KRT23: variants seen among roughly 807,000 people sequenced by gnomAD.
KRT23 encodes keratin, type I cytoskeletal 23.
KRT23 carries 38 observed loss-of-function variants against 47.6 expected under a neutral mutation model. The observed-to-expected ratio is 0.80, with a 90% CI of 0.62 to 1.05. KRT23 has a LOEUF of 1.05. Among genes scored for constraint, KRT23 ranks in the 50% least tolerant of loss-of-function variants. The pLI is 0.00. For synonymous variants in KRT23, 191 were observed against 199.0 expected (o/e 0.96, Z 0.34); for missense variants, 503 against 529.5 (o/e 0.95, Z 0.49).
intron 4 of KRT23, among the ~76,000 whole-genome samples, chr17:40,928,976 G>A (rs1461797013): frequency 2.2e-5 from 3 of 138,664 alleles, no homozygotes; most frequent in East Asian, 2.1e-4. Context: ...GCAGTGAGCC[G>A]AGATTGCGCC....
chr17:40,935,579 G>C (rs1910004334), intron 2 of KRT23, among the ~76,000 whole-genome samples: 1 of 152,128 alleles, frequency 6.6e-6, no homozygotes, highest in Non-Finnish European at 1.5e-5. Flanking sequence ...ATTGGTTCTA[G>C]CAATATGCCA....
rs780524486 is a variant in KRT23 at position 40,928,537 on chromosome 17, TC to T, written c.706del (p.Asp236IlefsTer2). 4.3e-6 allele frequency: 7 copies of T among 1,614,060 alleles called. No homozygotes were observed. The South Asian group carries it at 7.7e-5, about 18-fold the overall frequency. The part of the protein sequence containing the change: ...NVKVDTGPRE[D>X]LIKVLEDMRQ... ...CATATCCTCCAGGACCTTAATCAGA[TC>T]TTCCCTGGGACCTGTATCCACCTTC... On this transcript the variant is annotated frameshift_variant, in exon 5 of 9. Transcript: ENST00000209718. LOFTEE classifies it high-confidence loss of function.
rs79147545 is a variant in KRT23 at position 40,933,145 on chromosome 17, A to T, written c.397-1690T>A. ...ATCTAGCACTTTTATAGATTCAGTG[A>T]CTACACTGTGAACATCCCCAGGTTC... On this transcript the variant is annotated intron_variant, in intron 2 of 8. Coordinates refer to ENST00000209718, the MANE Select transcript of KRT23 (RefSeq NM_015515.5). Among the ~76,000 whole-genome samples the T allele has an allele frequency of 8.2e-3, 1,253 of 152,334 alleles. 14 individuals carry two copies. The highest frequency in any genetic ancestry group is 0.029 in the African/African-American group (1,196 of 41,578).
chr17:40,932,594 T>A (rs1478676390), intron 2 of KRT23, among the ~76,000 whole-genome samples: 2 of 152,070 alleles, frequency 1.3e-5, no homozygotes, highest in African/African-American at 4.8e-5. Flanking sequence ...AAATAAGGAG[T>A]CTGTACTAGA....
chr17:40,925,622 G>T, intron 6 of KRT23, 48 bp from the exon 7 acceptor site: 3 of 1,372,432 alleles, frequency 2.2e-6, no homozygotes, highest in Non-Finnish European at 2.0e-6. Context: ...GCTTGATTGA[G>T]TCAATAACAG....
At chr17:40,934,725 T>G (rs1909928881) in intron 2 of KRT23, among the ~76,000 whole-genome samples, 1 of 152,354 alleles carries the variant, frequency 6.6e-6, no homozygotes, top group South Asian at 2.1e-4. Flanking sequence ...CTCTGCTTCT[T>G]GCTGATGGCT....
intron 8 of KRT23, among the ~76,000 whole-genome samples, chr17:40,923,380 T>G (rs1357898262): frequency 6.6e-5 from 10 of 152,210 alleles, no homozygotes; most frequent in African/African-American, 2.4e-4. Flanking sequence ...AGGAGTTCTT[T>G]CTCTGCCTGT....
chr17:40,927,669 T>C (rs1909315193), intron 6 of KRT23, among the ~76,000 whole-genome samples: 1 of 152,186 alleles, frequency 6.6e-6, no homozygotes, highest in African/African-American at 2.4e-5. Context: ...AGAAATGACT[T>C]GGACACAAGA....
At chr17:40,927,543 A>G (rs3785770) in intron 6 of KRT23, among the ~76,000 whole-genome samples, 17,177 of 152,262 alleles carry the variant, frequency 0.11, 1,191 homozygotes, top group East Asian at 0.2. Flanking sequence ...CTTGGCAATT[A>G]TATGGATGAA....
chr17:40,931,332 AC>A (rs1567801362), intron 3 of KRT23, 40 bp downstream of exon 3: 1 of 1,484,180 alleles, frequency 6.7e-7, no homozygotes, highest in Admixed American at 1.7e-5. Flanking sequence ...TGTAAAGCAA[AC>A]AAACAAAAAC....
chr17:40,928,190 C>T lies in KRT23; in HGVS notation c.921+48G>A, dbSNP rs754954172. ...CTGGGAGAGAGGTCTCAGAAGGCTT[C>T]GTGAAGGAGGTGGTGTGGGATTCAC... On this transcript the variant is annotated intron_variant, in intron 6 of 8. Coordinates refer to ENST00000209718, the MANE Select transcript of KRT23 (RefSeq NM_015515.5). The T allele has an allele frequency of 3.4e-5, 55 of 1,611,170 alleles. No homozygotes were observed. In the Admixed American group the frequency reaches 4.0e-4, roughly 12 times the overall value.
At chr17:40,934,207 C>T (rs773692401) in intron 2 of KRT23, among the ~76,000 whole-genome samples, 1 of 152,152 alleles carries the variant, frequency 6.6e-6, no homozygotes, top group Non-Finnish European at 1.5e-5. Context: ...ATTGTGGGAC[C>T]TCCTTGCACC....
chr17:40,931,337 CA>C, intron 3 of KRT23, 35 bp downstream of exon 3: 1 of 1,523,262 alleles, frequency 6.6e-7, no homozygotes, highest in Non-Finnish European at 9.1e-7. Flanking sequence ...AGCAAACAAA[CA>C]AAAACCCGAA....
At chr17:40,935,855 C>T (rs1181563595) in intron 2 of KRT23, among the ~76,000 whole-genome samples, 2 of 152,176 alleles carry the variant, frequency 1.3e-5, no homozygotes, top group African/African-American at 4.8e-5. Context: ...TCTATGACAT[C>T]GTTGGGTCAT....
At position 40,936,518 on chromosome 17, in the gene KRT23, G is replaced by T; in HGVS notation, c.86C>A (p.Pro29His). Residue 29 changes from proline (P) to histidine (H), a missense_variant, in exon 2 of 9, where the codon CCC becomes CAC. Physicochemically the swap from Pro to His is moderately conservative, Grantham distance 77 (BLOSUM62 -2). Transcript: ENST00000209718. ...ACCGCCATGGACGGTGGGAGCCCTG[G>T]GGAAGCTCCTGGGCCGGCCCCAGCC... Reference protein sequence around the residue: ...GGGWGRPRSFPRAPTVHGGAG... With the variant: ...GGGWGRPRSFHRAPTVHGGAG... The T allele has an allele frequency of 6.5e-7, 1 of 1,528,552 alleles. No individual in the cohort carries two copies. Among genetic ancestry groups the T allele is most frequent in the Non-Finnish European group, 8.8e-7 (1 of 1,140,544 alleles). 94.7% of individuals were successfully genotyped at this position (1,528,552 alleles called of 1,614,324 possible).
chr17:40,929,454 T>C (rs1909490807), intron 4 of KRT23, among the ~76,000 whole-genome samples: 1 of 152,272 alleles, frequency 6.6e-6, no homozygotes, highest in African/African-American at 2.4e-5. Context: ...ACTGTTTTTC[T>C]ATCATTTTAT....
intron 2 of KRT23, among the ~76,000 whole-genome samples, chr17:40,932,883 C>A (rs1239471981): frequency 6.6e-6 from 1 of 152,182 alleles, no homozygotes; most frequent in African/African-American, 2.4e-5. Flanking sequence ...GGCCTGGGAT[C>A]CTGCTCCGCG....
rs768540862 is a variant in KRT23 at position 40,922,899 on chromosome 17, G to A, written c.*90C>T. 9.3e-6 allele frequency: 8 copies of A among 859,418 alleles called. No homozygotes were observed. The highest frequency in any genetic ancestry group is 8.5e-5 in the Admixed American group (4 of 47,280). The allele number at this position is 859,418 out of a possible 1,614,324, so 53.2% of individuals were successfully genotyped here. A position where few individuals can be genotyped will look rare whatever the true frequency, so the allele number is the denominator to read the frequency against. Reference sequence around the variant, plus strand: ...GTTTCTGAGTCTGATAATTCCAAGGGTATCTTTTAGAACTCACTCACTGGT... The same window carrying A: ...GTTTCTGAGTCTGATAATTCCAAGGATATCTTTTAGAACTCACTCACTGGT... On this transcript the variant is annotated 3_prime_UTR_variant, in exon 9 of 9. Coordinates refer to ENST00000209718, the MANE Select transcript of KRT23 (RefSeq NM_015515.5).
chr17:40,928,285 G>T lies in KRT23; in HGVS notation c.874C>A (p.Arg292Ser), dbSNP rs371648763. Reference protein sequence around the residue: ...SRQGDIHELKRTFQALEIDLQ... With the variant: ...SRQGDIHELKSTFQALEIDLQ... ...TCAATCTCCAGGGCCTGGAATGTGC[G>T]CTTCAGTTCGTGGATGTCACCTTGT... The change falls in exon 6 of 9, where the codon CGC (arginine) becomes AGC (serine). Residue 292 changes from arginine to serine, a missense_variant. Arg to Ser is a moderately radical substitution (Grantham distance 110). Coordinates refer to ENST00000209718, the MANE Select transcript of KRT23 (RefSeq NM_015515.5). The T allele has an allele frequency of 1.9e-6, 3 of 1,614,174 alleles. No homozygotes were observed. The highest frequency in any genetic ancestry group is 2.2e-5 in the East Asian group (1 of 44,892).
Sources: allele counts gnomAD v4.1 joint callset (sites outside exome capture counted in the v4.1 genomes callset), GRCh38; gene constraint gnomAD v4.1.1; transcripts MANE v1.5; gene names NCBI Gene and HGNC (gene_info 2026-07-23, HGNC 2026-07-21).